Variants in IL9R observed in about 807,000 individuals in gnomAD.
The protein encoded by IL9R is interleukin 9 receptor, also known as interleukin-9 receptor.
IL9R carries 54 observed loss-of-function variants against 56.3 expected under a neutral mutation model. The ratio of observed to expected loss-of-function variants is 0.96; its 90% CI spans 0.77 to 1.20. The LOEUF (loss-of-function observed/expected upper bound fraction) is 1.20. Ranked by LOEUF, IL9R falls within the 50% of genes most tolerant of loss-of-function variation. The pLI, the probability that IL9R is intolerant of heterozygous loss-of-function variation, is 0.00. For missense variants in IL9R, 545 were observed against 629.8 expected, an observed-to-expected ratio of 0.87 and a Z score of 1.44; for synonymous variants, 212 against 250.2, an observed-to-expected ratio of 0.85 and a Z score of 1.44.
In IL9R at chrX:156,003,446, C is replaced by A. The variant is rs1188769868; in HGVS notation, c.143-3C>A. On this transcript the variant is annotated splice_polypyrimidine_tract_variant and splice_region_variant and intron_variant, in intron 2 of 8. Transcript: ENST00000244174. ...GTGGGCTCCTGATGGTCACTGTCTC[C>A]AGGGCCAAGGTCTAGAACCTTCACC... 6.2e-7 allele frequency: 1 copy of A among 1,607,656 alleles called. No homozygotes were observed. Among genetic ancestry groups the A allele is most frequent in the Non-Finnish European group, 8.5e-7 (1 of 1,175,968 alleles).
chrX:155,999,511 T>TCCTGCCC (rs1256216397), intron 1 of IL9R, among the ~76,000 whole-genome samples: 2 of 152,058 alleles, frequency 1.3e-5, no homozygotes, highest in Admixed American at 6.6e-5. Flanking sequence ...CCCTCCTGCC[T>TCCTGCCC]CCTGCCCATC....
chrX:156,006,499 T>A (rs1380957308), intron 7 of IL9R, among the ~76,000 whole-genome samples: 1 of 150,192 alleles, frequency 6.7e-6, no homozygotes, highest in Non-Finnish European at 1.5e-5. Context: ...GTCACCGAGA[T>A]CAAGAGCCGG....
chrX:156,001,283 G>A (rs748251248), intron 1 of IL9R: 17 of 769,210 alleles, frequency 2.2e-5, no homozygotes, highest in East Asian at 2.2e-4. Context: ...CCATTCTGGG[G>A]CCTGGGTCAG....
chrX:156,005,472 G>T lies in IL9R; in HGVS notation c.774G>T (p.Gln258His). Residue 258 changes from glutamine (Q) to histidine (H), a missense_variant, in exon 6 of 9, where the codon CAG becomes CAT. Gln to His is a conservative substitution (Grantham distance 24). This residue lies in a region of IL9R where 431 missense variants were observed against 360.0 expected (regional missense o/e 1.20). Transcript: ENST00000244174. The part of the protein sequence containing the change: ...WSQPVCFQAP[Q>H]RQGPLIPPWG... Reference sequence around the variant, plus strand: ...AGCCTGTGTGCTTCCAGGCTCCCCAGAGACAAGGTGGGCACTGCTGTGGCT... The same window carrying T: ...AGCCTGTGTGCTTCCAGGCTCCCCATAGACAAGGTGGGCACTGCTGTGGCT... The T allele has an allele frequency of 1.2e-6, 2 of 1,612,652 alleles. No individual in the cohort carries two copies. Among genetic ancestry groups the T allele is most frequent in the Non-Finnish European group, 1.7e-6 (2 of 1,179,602 alleles).
Position 156,005,365 on chromosome X carries a change from AG to A in IL9R, c.669del (p.Arg223SerfsTer14). Reference sequence around the variant, plus strand: ...GGACCCTGGCTTTATCCATGAGGCCAGGCTGCGTGTCCAGATGGCCACACTG... The same window carrying A: ...GGACCCTGGCTTTATCCATGAGGCCAGCTGCGTGTCCAGATGGCCACACTG... ...ELDPGFIHEA[R>X]LRVQMATLED... On this transcript the variant is annotated frameshift_variant, in exon 6 of 9. Coordinates refer to ENST00000244174, the MANE Select transcript of IL9R (RefSeq NM_002186.3). LOFTEE classifies it high-confidence loss of function. 6.2e-7 allele frequency: 1 copy of A among 1,612,890 alleles called. No homozygotes were observed. Among genetic ancestry groups the A allele is most frequent in the Admixed American group, 1.7e-5 (1 of 59,994 alleles).
chrX:156,005,980 A>C, intron 6 of IL9R, 103 bp from the exon 7 acceptor site: 1 of 694,536 alleles, frequency 1.4e-6, no homozygotes, highest in Non-Finnish European at 2.5e-6. Flanking sequence ...CAAACCTTCC[A>C]CTTTGGCCCA....
rs910177597 is a variant in IL9R at position 156,006,436 on chromosome X, G to A, written c.887+248G>A. ...TTGCCAGGGGAGAGCAGGGAAGGGGGGTCTGAGGCAGAGGCTGAAGATAAG... is the reference window on the plus strand; with the variant it reads ...TTGCCAGGGGAGAGCAGGGAAGGGGAGTCTGAGGCAGAGGCTGAAGATAAG... On this transcript the variant is annotated intron_variant, in intron 7 of 8. Transcript: ENST00000244174. 2.7e-4 allele frequency among the ~76,000 whole-genome samples: 40 copies of A among 148,904 alleles called. 1 individual carries two copies. Among genetic ancestry groups the A allele is most frequent in the African/African-American group, 1.0e-3 (40 of 40,052 alleles).
rs899456088 is a variant in IL9R, at chrX:156,004,308, G to C, written c.434-112G>C. On this transcript the variant is annotated intron_variant, in intron 4 of 8. Transcript: ENST00000244174. ...TCTCCCAGTGAGGTGCCTGGTCTGA[G>C]AGGGCCTTGACCATTCCCCTTGGGA... 1.6e-4 allele frequency: 176 copies of C among 1,099,310 alleles called. 1 individual carries two copies. Among genetic ancestry groups the C allele is most frequent in the Non-Finnish European group, 2.1e-4 (159 of 741,252 alleles). 68.1% of individuals were successfully genotyped at this position (1,099,310 alleles called of 1,614,324 possible).
chrX:156,002,355 A>T (rs1477064238), intron 1 of IL9R, among the ~76,000 whole-genome samples: 1 of 152,194 alleles, frequency 6.6e-6, no homozygotes. Flanking sequence ...CTCAAAAAAA[A>T]AAATTTGCTT....
chrX:156,009,346 G>A (rs2068317867), intron 8 of IL9R, among the ~76,000 whole-genome samples: 2 of 141,134 alleles, frequency 1.4e-5, no homozygotes, highest in South Asian at 2.2e-4. Context: ...TTGTGTGTGT[G>A]TGTCTCGTGT....
chrX:156,002,484 ATGT>A (rs2067599893), intron 1 of IL9R, among the ~76,000 whole-genome samples: 2 of 152,254 alleles, frequency 1.3e-5, no homozygotes, highest in African/African-American at 4.8e-5. Context: ...AAAGTAGAAA[ATGT>A]ACCTATGGTG....
intron 1 of IL9R, chrX:156,001,378 T>C (rs1295307459): frequency 6.9e-7 from 1 of 1,447,902 alleles, no homozygotes; most frequent in Admixed American, 1.7e-5. Flanking sequence ...AAGAGCAGGC[T>C]GACTGCCTTC....
chrX:156,003,728 C>A lies in IL9R; in HGVS notation c.306C>A (p.Cys102Ter). Reference protein sequence around the residue: ...THKCILRGSECTVVLPPEAVL... With the variant: ...THKCILRGSE ...AGTGCATCTTGCGGGGCAGTGAGTGCACCGTCGTGCTGCCACCTGAGGCAG... is the reference window on the plus strand; with the variant it reads ...AGTGCATCTTGCGGGGCAGTGAGTGAACCGTCGTGCTGCCACCTGAGGCAG... The change falls in exon 4 of 9, where the codon TGC (cysteine) becomes TGA (stop). Residue 102 changes from cysteine (C) to a stop codon, truncating the protein, a stop_gained. Transcript: ENST00000244174. LOFTEE classifies it high-confidence loss of function. 1 of 1,613,862 alleles carries A rather than the reference C, an allele frequency of 6.2e-7. No homozygotes were observed. Among genetic ancestry groups the A allele is most frequent in the Non-Finnish European group, 8.5e-7 (1 of 1,179,788 alleles).
At position 156,001,311 on chromosome X, in the gene IL9R, T is replaced by G. The variant is rs1306984188; in HGVS notation, c.29-1595T>G. 11 of 864,562 alleles carry G rather than the reference T, an allele frequency of 1.3e-5. No individual in the cohort carries two copies. In the East Asian group the frequency reaches 2.6e-4, roughly 21 times the overall value. The allele number at this position is 864,562 out of a possible 1,614,324, so 53.6% of individuals were successfully genotyped here. A position where few individuals can be genotyped will look rare whatever the true frequency, so the allele number is the denominator to read the frequency against. On this transcript the variant is annotated intron_variant, in intron 1 of 8. Transcript: ENST00000244174. ...TGGGTCAGCTCTCAGCTGTGGCCGT[T>G]GTGCCTGTGCTTCCCCAGGTCCTGG...
At chrX:156,000,126 AC>A (rs1044609274) in intron 1 of IL9R, among the ~76,000 whole-genome samples, 2 of 126,050 alleles carry the variant, frequency 1.6e-5, no homozygotes, top group Admixed American at 1.5e-4. Context: ...ACAGAGCGAG[AC>A]TCCGTCTAAA....
At chrX:156,003,131 C>G in intron 2 of IL9R, 112 bp downstream of exon 2, 1 of 1,343,218 alleles carries the variant, frequency 7.4e-7, no homozygotes, top group Non-Finnish European at 1.1e-6. Context: ...CCAAACTGTG[C>G]TGGGGCATGT....
intron 8 of IL9R, among the ~76,000 whole-genome samples, chrX:156,009,014 TC>T (rs2068218483): frequency 7.2e-6 from 1 of 139,462 alleles, no homozygotes; most frequent in South Asian, 2.3e-4. Context: ...TGTGTGTGTG[TC>T]TCTGTGTGTG....
intron 6 of IL9R, among the ~76,000 whole-genome samples, chrX:156,005,697 G>C (rs1001747496): frequency 2.4e-4 from 36 of 152,120 alleles, no homozygotes; most frequent in African/African-American, 6.0e-4. Flanking sequence ...GTTAGTGGCT[G>C]CTGTTAGGAG....
At chrX:156,003,113 G>C in intron 2 of IL9R, 94 bp downstream of exon 2, 1 of 1,533,340 alleles carries the variant, frequency 6.5e-7, no homozygotes, top group East Asian at 2.3e-5. Flanking sequence ...TCTAGGGAAA[G>C]GTTTGGCCCA....
Sources: gnomAD v4.1 joint callset for allele counts (sites outside exome capture counted in the v4.1 genomes callset) on GRCh38, gnomAD v4.1.1 for gene constraint, gnomAD v4.1.1 regional missense constraint, MANE v1.5 for transcripts, NCBI Gene and HGNC (gene_info 2026-07-23, HGNC 2026-07-21) for gene names.